PINX1: variants seen among roughly 807,000 people sequenced by gnomAD.
PINX1 encodes the protein PIN2 (TERF1) interacting telomerase inhibitor 1, also known as PIN2/TERF1-interacting telomerase inhibitor 1.
In PINX1, 34 loss-of-function variants were observed where a neutral mutation model predicts 25.4. That is an observed-to-expected ratio of 1.34 (90% confidence interval 1.02 to 1.78). The LOEUF is 1.78. PINX1 is among the 40% of genes most tolerant of loss of function. PINX1 has a pLI of 0.00. For synonymous variants in PINX1, 197 were observed against 147.7 expected (o/e 1.33, Z -2.42); for missense variants, 592 against 404.9 (o/e 1.46, Z -3.97).
chr8:10,833,076 G>T, intron 2 of PINX1, 92 bp from the exon 3 acceptor site: 1 of 727,108 alleles, frequency 1.4e-6, no homozygotes, highest in Non-Finnish European at 2.3e-6. Context: ...GCCTACGGCA[G>T]GTGTTCTGAG....
rs916565770 is a variant in PINX1 at position 10,834,684 on chromosome 8, C to T, written c.111G>A (p.Met37Ile). The change falls in exon 2 of 7, where the codon ATG becomes ATA. Residue 37 changes from methionine to isoleucine, a missense_variant. Physicochemically the swap from Met to Ile is conservative, Grantham distance 10 (BLOSUM62 1). Transcript: ENST00000314787. Reference protein sequence around the residue: ...SKFGQRMLEKMGWSKGKGLGA... With the variant: ...SKFGQRMLEKIGWSKGKGLGA... The stretch of plus-strand genomic sequence containing the variant: ...AAAATACCTTTCCTTTAGACCACCC[C>T]ATCTTCTCTAGCATCCGCTGGCCAA... The T allele has an allele frequency of 6.2e-7, 1 of 1,613,612 alleles. No individual in the cohort carries two copies. The highest frequency in any genetic ancestry group is 1.7e-5 in the Admixed American group (1 of 59,984).
At chr8:10,828,407 A>G (rs1336355845) in intron 4 of PINX1, among the ~76,000 whole-genome samples, 3 of 152,106 alleles carry the variant, frequency 2.0e-5, no homozygotes, top group African/African-American at 7.2e-5. Flanking sequence ...GAATTCTTGG[A>G]TTTCCTTCCC....
intron 4 of PINX1, among the ~76,000 whole-genome samples, chr8:10,831,455 CAAATAAT>C (rs1193627837): frequency 2.6e-5 from 4 of 152,102 alleles, no homozygotes; most frequent in Non-Finnish European, 5.9e-5. Flanking sequence ...GCTCCCAACA[CAAATAAT>C]AAATGTCTGA....
At chr8:10,767,229 C>A (rs964395025) in intron 6 of PINX1, among the ~76,000 whole-genome samples, 2 of 152,134 alleles carry the variant, frequency 1.3e-5, no homozygotes, top group Non-Finnish European at 2.9e-5. Flanking sequence ...AACTGAATTA[C>A]AAACCACCTA....
At chr8:10,814,003 G>A (rs1035438765) in intron 6 of PINX1, among the ~76,000 whole-genome samples, 19 of 152,146 alleles carry the variant, frequency 1.2e-4, no homozygotes, top group African/African-American at 4.1e-4. Flanking sequence ...CAAACCAAGT[G>A]AGAGAAGACA....
chr8:10,767,405 C>T (rs1366063429), intron 6 of PINX1, among the ~76,000 whole-genome samples: 1 of 149,646 alleles, frequency 6.7e-6, no homozygotes, highest in Admixed American at 6.6e-5. Flanking sequence ...CCAAGGGGTA[C>T]ATTAAAAAAA....
intron 6 of PINX1, among the ~76,000 whole-genome samples, chr8:10,773,058 A>G (rs28570522): frequency 0.65 from 99,188 of 152,046 alleles, 33,545 homozygotes; most frequent in African/African-American, 0.82. Flanking sequence ...AAAATCTTGT[A>G]AAAATTTGTT....
chr8:10,787,549 G>C, intron 6 of PINX1: 1 of 213,348 alleles, frequency 4.7e-6, no homozygotes, highest in Non-Finnish European at 9.5e-6. Context: ...TTTGACATTA[G>C]TATTTTGAAA....
intron 6 of PINX1, among the ~76,000 whole-genome samples, chr8:10,809,311 C>T (rs1473617802): frequency 1.3e-5 from 2 of 152,224 alleles, no homozygotes; most frequent in African/African-American, 4.8e-5. Context: ...AAGAAAGGCA[C>T]ACATGTCTTC....
At position 10,778,477 on chromosome 8, in the gene PINX1, T is replaced by C. The variant is rs114698395; in HGVS notation, c.472-12561A>G. ...TTAACACATTTCTCTGTCTCATGTA[T>C]CTCCTGTAGGGTTCAAGTGAGAGGC... is the stretch of plus-strand genomic sequence containing the variant. On this transcript the variant is annotated intron_variant, in intron 6 of 6. Transcript: ENST00000314787. 2.3e-3 allele frequency among the ~76,000 whole-genome samples: 344 copies of C among 152,256 alleles called. 2 individuals carry two copies. The highest frequency in any genetic ancestry group is 7.8e-3 in the African/African-American group (326 of 41,558).
rs369963440 is a variant in PINX1, at chr8:10,819,914, G to A, written c.471+279C>T. Among the ~76,000 whole-genome samples the A allele has an allele frequency of 1.1e-3, 174 of 152,246 alleles. 3 individuals are homozygous for A. In the South Asian group the frequency reaches 0.033, roughly 29 times the overall value. ...TCCCCTCTGATTGTATCGGCAATGG[G>A]TGTTCTTCCCCAAGTTTAATCTAGT... On this transcript the variant is annotated intron_variant, in intron 6 of 6. Coordinates refer to ENST00000314787, the MANE Select transcript of PINX1 (RefSeq NM_017884.6).
intron 6 of PINX1, among the ~76,000 whole-genome samples, chr8:10,812,752 C>A (rs967307410): frequency 9.2e-5 from 14 of 152,226 alleles, no homozygotes; most frequent in Non-Finnish European, 2.9e-5. Flanking sequence ...GCACAGTCAC[C>A]TGTGAGGAAC....
chr8:10,821,005 T>G (rs771917765), intron 5 of PINX1, among the ~76,000 whole-genome samples: 3 of 152,268 alleles, frequency 2.0e-5, no homozygotes, highest in Non-Finnish European at 4.4e-5. Flanking sequence ...TTCACTTCTT[T>G]GGAATTTCCA....
chr8:10,784,662 T>G (rs1161431580), intron 6 of PINX1, among the ~76,000 whole-genome samples: 2 of 152,144 alleles, frequency 1.3e-5, no homozygotes. Flanking sequence ...CTATTTGGAG[T>G]TCAGGCCCAC....
At position 10,765,623 on chromosome 8, in the gene PINX1, C is replaced by T. The variant is rs780628077; in HGVS notation, c.765G>A (p.Ala255=). The change falls in exon 7 of 7, where the codon GCG becomes GCA. Residue 255 remains alanine, a synonymous_variant. Transcript: ENST00000314787. ...GGCCTCTGAGCTGCTCTTCTGCTGG[C>T]GCGCTCTTCTTCTTGGCCACTCGCT... ...AQERVAKKKS[A]PAEEQLRGPC... is the part of the protein sequence containing the mutation. The T allele has an allele frequency of 2.0e-5, 33 of 1,613,684 alleles. No individual in the cohort carries two copies. Among genetic ancestry groups the T allele is most frequent in the Admixed American group, 5.0e-5 (3 of 59,998 alleles).
At chr8:10,783,163 T>C (rs181177922) in intron 6 of PINX1, among the ~76,000 whole-genome samples, 172 of 152,358 alleles carry the variant, frequency 1.1e-3, no homozygotes, top group South Asian at 3.3e-3. Context: ...ATTTATGACA[T>C]TTATGAACAT....
At chr8:10,816,990 G>A (rs1462029653) in intron 6 of PINX1, among the ~76,000 whole-genome samples, 3 of 152,198 alleles carry the variant, frequency 2.0e-5, no homozygotes, top group Admixed American at 1.3e-4. Context: ...TGGCACACAG[G>A]TGCTTAATAA....
intron 4 of PINX1, among the ~76,000 whole-genome samples, chr8:10,828,474 C>T (rs911650101): frequency 6.6e-6 from 1 of 152,142 alleles, no homozygotes; most frequent in Non-Finnish European, 1.5e-5. Flanking sequence ...GAGGACGACA[C>T]TGATAAGGCA....
intron 6 of PINX1, among the ~76,000 whole-genome samples, chr8:10,779,783 G>T (rs1005101413): frequency 3.3e-5 from 5 of 152,126 alleles, no homozygotes. Flanking sequence ...TTATCATAAA[G>T]AAATTATAGT....
Sources: gnomAD v4.1 joint callset for allele counts (sites outside exome capture counted in the v4.1 genomes callset) on GRCh38, gnomAD v4.1.1 for gene constraint, MANE v1.5 for transcripts, NCBI Gene and HGNC (gene_info 2026-07-23, HGNC 2026-07-21) for gene names.